Variants in TSPAN5 observed in about 807,000 individuals in gnomAD.
TSPAN5 encodes the protein tetraspanin-5.
TSPAN5 carries 10 observed loss-of-function variants against 37.1 expected under a neutral mutation model. That is an observed-to-expected ratio of 0.27 (90% CI 0.17 to 0.46). The LOEUF (loss-of-function observed/expected upper bound fraction) is 0.46, where lower values mean the gene tolerates loss of function less well. Among genes scored for constraint, TSPAN5 ranks in the 20% least tolerant of loss-of-function variants. The probability of loss-of-function intolerance (pLI) is 1.00; values close to 1 mark genes in which losing one functional copy is unlikely to be tolerated. For synonymous variants in TSPAN5, 110 were observed against 118.9 expected (o/e 0.93, Z 0.48); for missense variants, 195 against 326.6 (o/e 0.60, Z 3.11).
intron 1 of TSPAN5, among the ~76,000 whole-genome samples, chr4:98,533,348 C>T (rs1754144720): frequency 6.6e-6 from 1 of 151,932 alleles, no homozygotes. Context: ...CTATTAATTA[C>T]TGCCTCAATT....
intron 1 of TSPAN5, among the ~76,000 whole-genome samples, chr4:98,574,202 A>G (rs559331834): frequency 2.6e-5 from 4 of 152,284 alleles, no homozygotes; most frequent in South Asian, 2.1e-4. Flanking sequence ...CAACCTCTCA[A>G]ACCTTTAAAG....
chr4:98,636,174 A>G (rs1381361183), intron 1 of TSPAN5, among the ~76,000 whole-genome samples: 1 of 152,232 alleles, frequency 6.6e-6, no homozygotes, highest in African/African-American at 2.4e-5. Context: ...AATGTAAATA[A>G]GGGCATAATG....
chr4:98,617,736 C>A (rs1347741675), intron 1 of TSPAN5, among the ~76,000 whole-genome samples: 1 of 152,190 alleles, frequency 6.6e-6, no homozygotes, highest in African/African-American at 2.4e-5. Flanking sequence ...GTACCACACA[C>A]AATCACCTCA....
intron 6 of TSPAN5, 28 bp downstream of exon 6, chr4:98,476,384 GC>G: frequency 6.2e-7 from 1 of 1,614,102 alleles, no homozygotes; most frequent in South Asian, 1.1e-5. Flanking sequence ...CACCCTTCGT[GC>G]TAAGCAACAA....
At chr4:98,476,586 A>G (rs954502406) in intron 5 of TSPAN5, 126 bp from the exon 6 acceptor site, 5 of 781,376 alleles carry the variant, frequency 6.4e-6, no homozygotes, top group East Asian at 5.1e-5. Flanking sequence ...AGACTGCAGC[A>G]CTATGTTAAA....
chr4:98,489,318 A>G (rs1425378329), intron 2 of TSPAN5, among the ~76,000 whole-genome samples: 1 of 152,134 alleles, frequency 6.6e-6, no homozygotes, highest in Non-Finnish European at 1.5e-5. Flanking sequence ...CACCCAACCA[A>G]TCAGGTAGTA....
chr4:98,625,176 C>T (rs760664056), intron 1 of TSPAN5, among the ~76,000 whole-genome samples: 3 of 152,152 alleles, frequency 2.0e-5, no homozygotes, highest in African/African-American at 4.8e-5. Flanking sequence ...ATTACTGGAA[C>T]GCTAAGCATG....
At chr4:98,557,992 A>G (rs1473143950) in intron 1 of TSPAN5, among the ~76,000 whole-genome samples, 1 of 152,230 alleles carries the variant, frequency 6.6e-6, no homozygotes, top group African/African-American at 2.4e-5. Flanking sequence ...TGTAGTGCCC[A>G]GGGTGAGATC....
At chr4:98,511,259 A>G (rs1462566272) in intron 1 of TSPAN5, among the ~76,000 whole-genome samples, 1 of 152,236 alleles carries the variant, frequency 6.6e-6, no homozygotes, top group Non-Finnish European at 1.5e-5. Flanking sequence ...AATGCTAAGT[A>G]TGGCTAAACT....
At chr4:98,625,389 G>A (rs1756577753) in intron 1 of TSPAN5, among the ~76,000 whole-genome samples, 1 of 152,150 alleles carries the variant, frequency 6.6e-6, no homozygotes, top group African/African-American at 2.4e-5. Flanking sequence ...AGAATTTGGA[G>A]CCACTTTGGT....
intron 1 of TSPAN5, among the ~76,000 whole-genome samples, chr4:98,590,666 C>A (rs978717945): frequency 1.3e-5 from 2 of 149,400 alleles, no homozygotes; most frequent in African/African-American, 5.0e-5. Flanking sequence ...GCCGAGGTTG[C>A]ATCACTGCAC....
At chr4:98,596,637 G>C (rs1481569765) in intron 1 of TSPAN5, among the ~76,000 whole-genome samples, 1 of 78,198 alleles carries the variant, frequency 1.3e-5, no homozygotes. Context: ...GCCTGGTGGT[G>C]ACAAAATCTC....
chr4:98,498,413 A>G (rs915693767), intron 2 of TSPAN5, among the ~76,000 whole-genome samples: 1 of 152,182 alleles, frequency 6.6e-6, no homozygotes, highest in African/African-American at 2.4e-5. Flanking sequence ...TTTAAGAAAA[A>G]TATACACAAT....
chr4:98,486,622 C>T, intron 3 of TSPAN5, 116 bp downstream of exon 3: 1 of 1,150,480 alleles, frequency 8.7e-7, no homozygotes, highest in Non-Finnish European at 1.3e-6. Context: ...TGACCTGGGC[C>T]CTACTTTGGC....
At chr4:98,582,581 T>A (rs1755394597) in intron 1 of TSPAN5, among the ~76,000 whole-genome samples, 1 of 152,250 alleles carries the variant, frequency 6.6e-6, no homozygotes, top group Non-Finnish European at 1.5e-5. Context: ...AAGCTCACTG[T>A]GATCTAAACA....
At chr4:98,555,527 G>A (rs1008737167) in intron 1 of TSPAN5, among the ~76,000 whole-genome samples, 18 of 151,820 alleles carry the variant, frequency 1.2e-4, no homozygotes, top group Non-Finnish European at 2.4e-4. Context: ...TTTTTCAGCT[G>A]TCTCCCCTAG....
intron 1 of TSPAN5, among the ~76,000 whole-genome samples, chr4:98,542,960 A>G (rs753408861): frequency 1.6e-4 from 25 of 152,180 alleles, no homozygotes; most frequent in Non-Finnish European, 3.1e-4. Flanking sequence ...GTCAGAGGAC[A>G]CTTAGACAAG....
intron 1 of TSPAN5, among the ~76,000 whole-genome samples, chr4:98,547,832 C>T (rs1156695525): frequency 1.3e-5 from 2 of 151,782 alleles, no homozygotes; most frequent in Admixed American, 1.3e-4. Context: ...CACGGTGAAA[C>T]CCCGTCTCTA....
At chr4:98,566,777 A>G (rs929900867) in intron 1 of TSPAN5, among the ~76,000 whole-genome samples, 2 of 152,202 alleles carry the variant, frequency 1.3e-5, no homozygotes, top group Non-Finnish European at 1.5e-5. Flanking sequence ...AGCAGGGAAA[A>G]CATGACGCAA....
Sources: gnomAD v4.1 joint callset for allele counts (sites outside exome capture counted in the v4.1 genomes callset) on GRCh38, gnomAD v4.1.1 for gene constraint, MANE v1.5 for transcripts, NCBI Gene and HGNC (gene_info 2026-07-23, HGNC 2026-07-21) for gene names.